The following FAT4 variants were observed in gnomAD, a reference collection of about 807,000 sequenced individuals.
FAT4 encodes protocadherin Fat 4.
Under a neutral mutation model 303.9 loss-of-function variants are expected in FAT4, and 84 were observed. The ratio of observed to expected loss-of-function variants is 0.28; its 90% CI spans 0.23 to 0.33. The LOEUF is 0.33. Ranked by LOEUF, FAT4 falls within the 10% of genes least tolerant of loss-of-function variation. The pLI, the probability that FAT4 is intolerant of heterozygous loss-of-function variation, is 1.00. For synonymous variants in FAT4, 2,307 were observed against 2,298.8 expected, an observed-to-expected ratio of 1.00 and a Z score of -0.10; for missense variants, 6,005 against 6,146.8, an observed-to-expected ratio of 0.98 and a Z score of 0.77.
intron 3 of FAT4, among the ~76,000 whole-genome samples, chr4:125,399,543 C>A (rs1258565647): frequency 2.0e-5 from 3 of 151,834 alleles, no homozygotes; most frequent in Non-Finnish European, 4.4e-5. Context: ...TCCCCTTAAG[C>A]CAAGCCGAAC....
In FAT4 at chr4:125,452,274, C is replaced by A; in HGVS notation, c.11264C>A (p.Ala3755Glu). The change falls in exon 10 of 18, where the codon GCA (alanine) becomes GAA (glutamate). Residue 3755 changes from alanine to glutamate, a missense_variant. Ala to Glu is a moderately radical substitution (Grantham distance 107). Coordinates refer to ENST00000394329, the MANE Select transcript of FAT4 (RefSeq NM_001291303.3). ...GLGTAVQLYSAYEENNRTFLL... is the reference protein window; with the variant it reads ...GLGTAVQLYSEYEENNRTFLL... Reference sequence around the variant, plus strand: ...GGGACTGCTGTGCAACTGTACAGTGCATATGAAGAGAACAATAGAACGTTT... The same window carrying A: ...GGGACTGCTGTGCAACTGTACAGTGAATATGAAGAGAACAATAGAACGTTT... 6.2e-7 allele frequency: 1 copy of A among 1,614,210 alleles called. No homozygotes were observed. The highest frequency in any genetic ancestry group is 2.2e-5 in the East Asian group (1 of 44,876).
In FAT4 at chr4:125,414,946, G is replaced by C. The variant is rs767311427; in HGVS notation, c.5983G>C (p.Asp1995His). 6.2e-7 allele frequency: 1 copy of C among 1,613,612 alleles called. No individual in the cohort carries two copies. The highest frequency in any genetic ancestry group is 1.1e-5 in the South Asian group (1 of 91,052). The change falls in exon 6 of 18, where the codon GAC (aspartate) becomes CAC (histidine). Residue 1995 changes from aspartate (D) to histidine (H), a missense_variant. Transcript: ENST00000394329. ...TGATAGCCTTGGGCAGTTTACTGTTGACAAGAATGGTGTACTCAAAGTCCT... is the reference window on the plus strand; with the variant it reads ...TGATAGCCTTGGGCAGTTTACTGTTCACAAGAATGGTGTACTCAAAGTCCT... Reference protein sequence around the residue: ...SGDSLGQFTVDKNGVLKVLKA... With the variant: ...SGDSLGQFTVHKNGVLKVLKA...
chr4:125,487,691 C>T, intron 17 of FAT4, 85 bp downstream of exon 17: 1 of 1,349,694 alleles, frequency 7.4e-7, no homozygotes, highest in Non-Finnish European at 9.9e-7. Context: ...CAAGACTACA[C>T]ATTTAACATG....
At position 125,320,441 on chromosome 4, in the gene FAT4, T is replaced by C; in HGVS notation, c.4030T>C (p.Ser1344Pro). ...CTCTGTTACTGCAACTGATTCCGAT[T>C]CAGGTGACAATGCTGATTTATATTA... ...VSSVTATDSD[S>P]GDNADLYYSI... is the part of the protein sequence containing the mutation. The change falls in exon 2 of 18, where the codon TCA (serine) becomes CCA (proline). Residue 1344 changes from serine to proline, a missense_variant. Coordinates refer to ENST00000394329, the MANE Select transcript of FAT4 (RefSeq NM_001291303.3). 2.5e-6 allele frequency: 4 copies of C among 1,614,040 alleles called. No homozygotes were observed. Among genetic ancestry groups the C allele is most frequent in the Non-Finnish European group, 3.4e-6 (4 of 1,179,862 alleles).
chr4:125,440,610 TGAGAGAGAGAGAGAGA>T (rs1553925990), intron 8 of FAT4, among the ~76,000 whole-genome samples: 1 of 75,728 alleles, frequency 1.3e-5, no homozygotes, highest in African/African-American at 5.8e-5. Context: ...TGTGTGTGTG[TGAGAGAGAGAGAGAGA>T]GAGAGAGAGA....
At chr4:125,466,223 T>C (rs1419561835) in intron 11 of FAT4, among the ~76,000 whole-genome samples, 4 of 152,170 alleles carry the variant, frequency 2.6e-5, no homozygotes, top group Non-Finnish European at 5.9e-5. Context: ...AGATGCGACC[T>C]TTCTGTGAAA....
rs370175546 is a variant in FAT4 at position 125,490,889 on chromosome 4, C to T, written c.14073C>T (p.His4691=). The part of the protein sequence containing the change: ...GQGLRTSSLS[H]SACPTPNPLS... ...GTTTGAGAACCAGCTCCCTAAGCCA[C>T]TCAGCATGCCCAACTCCCAACCCTC... Residue 4691 remains histidine (H), a synonymous_variant, in exon 18 of 18, where the codon CAC becomes CAT. Transcript: ENST00000394329. 4.7e-5 allele frequency: 76 copies of T among 1,614,082 alleles called. No individual in the cohort carries two copies. The highest frequency in any genetic ancestry group is 5.9e-5 in the Non-Finnish European group (70 of 1,180,048).
Position 125,320,918 on chromosome 4 carries a change from G to A in FAT4, c.4507G>A (p.Val1503Met). 6.2e-7 allele frequency: 1 copy of A among 1,614,156 alleles called. No homozygotes were observed. The highest frequency in any genetic ancestry group is 1.3e-5 in the African/African-American group (1 of 75,046). The change falls in exon 2 of 18, where the codon GTG (valine) becomes ATG (methionine). Residue 1503 changes from valine (V) to methionine (M), a missense_variant. Val to Met is a conservative substitution (Grantham distance 21). Coordinates refer to ENST00000394329, the MANE Select transcript of FAT4 (RefSeq NM_001291303.3). ...ELTVKANDQA[V>M]PIETRRYALK... Reference sequence around the variant, plus strand: ...GACTGTAAAAGCCAATGATCAAGCTGTGCCAATAGAAACTAGACGGTATGC... The same window carrying A: ...GACTGTAAAAGCCAATGATCAAGCTATGCCAATAGAAACTAGACGGTATGC...
intron 2 of FAT4, among the ~76,000 whole-genome samples, chr4:125,345,554 A>C (rs1731966551): frequency 6.6e-6 from 1 of 152,142 alleles, no homozygotes; most frequent in African/African-American, 2.4e-5. Flanking sequence ...AAATATAGTT[A>C]ATATTAATGA....
At chr4:125,377,663 A>C (rs189461477) in intron 2 of FAT4, among the ~76,000 whole-genome samples, 1 of 152,238 alleles carries the variant, frequency 6.6e-6, no homozygotes, top group East Asian at 1.9e-4. Context: ...TAAGTTTTGG[A>C]GTTTTATAGG....
chr4:125,352,638 C>T (rs781628240), intron 2 of FAT4, among the ~76,000 whole-genome samples: 3 of 151,730 alleles, frequency 2.0e-5, no homozygotes, highest in Non-Finnish European at 3.0e-5. Flanking sequence ...ACAATGAGGA[C>T]ATTTAAAAAA....
chr4:125,356,771 G>T (rs896268722), intron 2 of FAT4, among the ~76,000 whole-genome samples: 74 of 148,508 alleles, frequency 5.0e-4, no homozygotes, highest in African/African-American at 1.7e-3. Flanking sequence ...ACACATAATT[G>T]ATATATAGTA....
chr4:125,429,954 G>A (rs555323273), intron 7 of FAT4, among the ~76,000 whole-genome samples: 43 of 152,106 alleles, frequency 2.8e-4, no homozygotes, highest in Admixed American at 2.0e-4. Context: ...GTAATACTCC[G>A]GAGAACCTCT....
rs1452280145 is a variant in FAT4 at position 125,449,172 on chromosome 4, A to G, written c.8162A>G (p.Asn2721Ser). The part of the protein sequence containing the change: ...NGNMENSFSI[N>S]HATGEIRSVR... Reference sequence around the variant, plus strand: ...AACATGGAAAATAGTTTCAGTATCAATCATGCTACTGGTGAAATTAGAAGC... The same window carrying G: ...AACATGGAAAATAGTTTCAGTATCAGTCATGCTACTGGTGAAATTAGAAGC... Residue 2721 changes from asparagine to serine, a missense_variant, in exon 10 of 18, where the codon AAT becomes AGT. Transcript: ENST00000394329. 1.2e-5 allele frequency: 19 copies of G among 1,613,860 alleles called. No individual in the cohort carries two copies. Among genetic ancestry groups the G allele is most frequent in the Non-Finnish European group, 1.5e-5 (18 of 1,179,870 alleles).
rs140288688 is a variant in FAT4 at position 125,448,735 on chromosome 4, G to A, written c.7725G>A (p.Thr2575=). 5.6e-6 allele frequency: 9 copies of A among 1,613,538 alleles called. No homozygotes were observed. Among genetic ancestry groups the A allele is most frequent in the Non-Finnish European group, 6.8e-6 (8 of 1,179,896 alleles). ...DFPKVRAKEQ[T]FMFPENQPVS... ...CTAAAGTGAGAGCCAAAGAACAAAC[G>A]TTCATGTTTCCTGAAAACCAACCAG... The change falls in exon 10 of 18, where the codon ACG becomes ACA. Residue 2575 remains threonine, a synonymous_variant. Transcript: ENST00000394329.
chr4:125,342,490 A>G (rs1731836494), intron 2 of FAT4, among the ~76,000 whole-genome samples: 1 of 151,994 alleles, frequency 6.6e-6, no homozygotes, highest in African/African-American at 2.4e-5. Flanking sequence ...ATATTTTTAC[A>G]TTTATTATAC....
At chr4:125,370,229 T>C (rs551739324) in intron 2 of FAT4, among the ~76,000 whole-genome samples, 6 of 152,328 alleles carry the variant, frequency 3.9e-5, no homozygotes, top group Admixed American at 2.6e-4. Flanking sequence ...ATCATTGTTA[T>C]AGCTAATAGC....
At chr4:125,473,671 A>G (rs1247231714) in intron 12 of FAT4, among the ~76,000 whole-genome samples, 4 of 152,048 alleles carry the variant, frequency 2.6e-5, no homozygotes, top group South Asian at 2.1e-4. Context: ...GTTGTCAAGT[A>G]TACTATAATG....
At chr4:125,394,911 A>G (rs1045791258) in intron 2 of FAT4, among the ~76,000 whole-genome samples, 8 of 152,208 alleles carry the variant, frequency 5.3e-5, no homozygotes, top group Non-Finnish European at 7.3e-5. Flanking sequence ...CCTATTTTCT[A>G]CAAGGGATGC....
Sources: gnomAD v4.1 joint callset for allele counts (sites outside exome capture counted in the v4.1 genomes callset) on GRCh38, gnomAD v4.1.1 for gene constraint, MANE v1.5 for transcripts, NCBI Gene and HGNC (gene_info 2026-07-23, HGNC 2026-07-21) for gene names.